The following COL5A3 variants were observed in gnomAD, a reference collection of about 807,000 sequenced individuals.
COL5A3 encodes the protein collagen type V alpha 3 chain.
A neutral mutation model predicts 250.0 loss-of-function variants in COL5A3; 172 were observed. The observed-to-expected ratio is 0.69, with a 90% confidence interval of 0.61 to 0.78. The LOEUF (loss-of-function observed/expected upper bound fraction) is 0.78. COL5A3 is among the 30% of genes least tolerant of loss of function. The pLI is 0.00. For missense variants in COL5A3, 2,340 were observed against 2,334.4 expected (o/e 1.00, Z -0.05); for synonymous variants, 937 against 900.4 (o/e 1.04, Z -0.73).
At chr19:10,003,179 C>T (rs992946097) in intron 6 of COL5A3, among the ~76,000 whole-genome samples, 4 of 152,184 alleles carry the variant, frequency 2.6e-5, no homozygotes, top group East Asian at 1.9e-4. Flanking sequence ...CAATGACACA[C>T]TAACTAATGA....
intron 31 of COL5A3, among the ~76,000 whole-genome samples, chr19:9,983,406 G>A (rs753996455): frequency 1.6e-4 from 25 of 151,968 alleles, no homozygotes; most frequent in African/African-American, 5.1e-4. Context: ...GCTGAGGCAG[G>A]AGGACTGCTT....
At position 9,976,596 on chromosome 19, in the gene COL5A3, GT is replaced by G; in HGVS notation, c.3303del (p.Gln1101HisfsTer43). 6.4e-7 allele frequency: 1 copy of G among 1,569,828 alleles called. No homozygotes were observed. The highest frequency in any genetic ancestry group is 1.2e-5 in the South Asian group (1 of 82,676). ...TGTCCTGCAGGACCCCGTATCCCTG[GT>G]TGTCCAGGTGGGCCCTGGGAGAACA... ...GDKGDAGPPG[Q>X]PGIRGPAGHP... On this transcript the variant is annotated frameshift_variant, in exon 45 of 67. Transcript: ENST00000264828. LOFTEE classifies it high-confidence loss of function.
chr19:9,961,102 C>T (rs1381564059), intron 65 of COL5A3, among the ~76,000 whole-genome samples: 1 of 152,130 alleles, frequency 6.6e-6, no homozygotes, highest in Non-Finnish European at 1.5e-5. Context: ...CAGTAGGCCT[C>T]CATGCCCACT....
intron 31 of COL5A3, among the ~76,000 whole-genome samples, chr19:9,984,818 T>TC (rs914397411): frequency 1.6e-4 from 25 of 151,628 alleles, no homozygotes; most frequent in Admixed American, 1.6e-3. Flanking sequence ...TGAGACAGAG[T>TC]CCCCCTCTGT....
At chr19:9,961,700 G>A (rs954247928) in intron 65 of COL5A3, among the ~76,000 whole-genome samples, 11 of 151,486 alleles carry the variant, frequency 7.3e-5, no homozygotes, top group Admixed American at 2.6e-4. Flanking sequence ...CTGGGACTAC[G>A]GGCGCCTGCC....
At chr19:10,000,116 A>T (rs1415955936) in intron 8 of COL5A3, among the ~76,000 whole-genome samples, 3 of 151,816 alleles carry the variant, frequency 2.0e-5, no homozygotes, top group Non-Finnish European at 2.9e-5. Flanking sequence ...ATAAAAAAAA[A>T]GCCTAAAATT....
Position 9,960,554 on chromosome 19 carries a change from GGAGCTGTCCCCAGAGAAGACAGAGAC to G in COL5A3, c.5092-23_5094del. The G allele has an allele frequency of 6.2e-7, 1 of 1,614,166 alleles. No homozygotes were observed. The highest frequency in any genetic ancestry group is 8.5e-7 in the Non-Finnish European group (1 of 1,180,040). On this transcript the variant is annotated splice_acceptor_variant and splice_polypyrimidine_tract_variant and coding_sequence_variant and intron_variant, in exon 67 of 67. Transcript: ENST00000264828. LOFTEE classifies it high-confidence loss of function. Reference sequence around the variant, plus strand: ...AAAAGGGTCTTCGTCTGTCCTTTCCGGAGCTGTCCCCAGAGAAGACAGAGACGGTGAGTTACCGGGAAGGTGGCCGA... The same window carrying G: ...AAAAGGGTCTTCGTCTGTCCTTTCCGGGTGAGTTACCGGGAAGGTGGCCGA...
Position 9,974,324 on chromosome 19 carries a change from C to A in COL5A3, c.3427G>T (p.Val1143Leu), listed in dbSNP as rs151113761. 1.4e-5 allele frequency: 22 copies of A among 1,612,048 alleles called. 1 individual carries two copies. In the South Asian group the frequency reaches 1.4e-4, roughly 11 times the overall value. ...ACCTGCAGTCCAGGAGGGCCAATCA[C>A]CCCCACAAAGCCTCTGACTCCGTCA... ...GDDGVRGFVGVIGPPGLQGLP... is the reference protein window; with the variant it reads ...GDDGVRGFVGLIGPPGLQGLP... Residue 1143 changes from valine (V) to leucine (L), a missense_variant, in exon 46 of 67, where the codon GTG becomes TTG. Physicochemically the swap from Val to Leu is conservative, Grantham distance 32. This residue lies in a region of COL5A3 where 1,179 missense variants were observed against 1,162.6 expected (regional missense o/e 1.01). Transcript: ENST00000264828.
At position 9,960,630 on chromosome 19, in the gene COL5A3, G is replaced by A. The variant is rs760050998; in HGVS notation, c.5091+21C>T. On this transcript the variant is annotated intron_variant, in intron 66 of 66. Coordinates refer to ENST00000264828, the MANE Select transcript of COL5A3 (RefSeq NM_015719.4). ...ACATCTTGCCTCCCCTCTCTAGCTG[G>A]CCACTGCCCCACCCTCTTACCCGGC... 27 of 1,613,532 alleles carry A rather than the reference G, an allele frequency of 1.7e-5. No homozygotes were observed. In the South Asian group the frequency reaches 2.9e-4, roughly 17 times the overall value.
rs2145128928 is a variant in COL5A3 at position 9,996,595 on chromosome 19, C to T, written c.1338+20G>A. 6.2e-7 allele frequency: 1 copy of T among 1,613,922 alleles called. No homozygotes were observed. The highest frequency in any genetic ancestry group is 8.5e-7 in the Non-Finnish European group (1 of 1,179,902). ...CAGGACTCCACTCCCCAAGGCTGGG[C>T]CACTCCATCTCCTTCTTACCGGCAT... On this transcript the variant is annotated intron_variant, in intron 12 of 66. Transcript: ENST00000264828.
intron 31 of COL5A3, 38 bp downstream of exon 31, chr19:9,985,804 C>G: frequency 1.3e-6 from 2 of 1,581,760 alleles, no homozygotes; most frequent in Non-Finnish European, 1.7e-6. Context: ...CTGAATCCTG[C>G]CCATATCCAT....
Position 9,989,132 on chromosome 19 carries a change from C to T in COL5A3, c.2137G>A (p.Gly713Arg). ...AGPPGYPGPRGVKGTSGNRGL... is the reference protein window; with the variant it reads ...AGPPGYPGPRRVKGTSGNRGL... ...GCAAGCGTATCACCTACCTTCACTCCCCGAGGTCCAGGATAGCCCGGAGGG... is the reference window on the plus strand; with the variant it reads ...GCAAGCGTATCACCTACCTTCACTCTCCGAGGTCCAGGATAGCCCGGAGGG... Residue 713 changes from glycine (G) to arginine (R), a missense_variant, in exon 27 of 67, where the codon GGA becomes AGA. Around this residue, in one of 3 missense-constraint regions of COL5A3, gnomAD observed 1,152 missense variants for 1,146.3 expected, o/e 1.00. Transcript: ENST00000264828. The T allele has an allele frequency of 6.2e-7, 1 of 1,614,210 alleles. No individual in the cohort carries two copies.
chr19:10,006,802 C>G (rs1599233335), intron 1 of COL5A3, among the ~76,000 whole-genome samples: 1 of 151,748 alleles, frequency 6.6e-6, no homozygotes, highest in Non-Finnish European at 1.5e-5. Flanking sequence ...TTCTGGTTAC[C>G]CCCTCTGACC....
In COL5A3 at chr19:9,977,244, G is replaced by T. The variant is rs759559517; in HGVS notation, c.3273C>A (p.Gly1091=). The part of the protein sequence containing the change: ...VGAPGHKGSK[G]DKGDAGPPGQ... The stretch of plus-strand genomic sequence containing the variant: ...CTTCACTCACCGCGTCTCCTTTATC[G>T]CCTTTACTCCCCTTGTGTCCGGGGG... The change falls in exon 44 of 67, where the codon GGC becomes GGA. Residue 1091 remains glycine, a synonymous_variant. Transcript: ENST00000264828. The T allele has an allele frequency of 1.2e-6, 2 of 1,613,580 alleles. No individual in the cohort carries two copies. Among genetic ancestry groups the T allele is most frequent in the African/African-American group, 1.3e-5 (1 of 74,738 alleles).
intron 16 of COL5A3, among the ~76,000 whole-genome samples, 193 bp downstream of exon 16, chr19:9,995,371 G>A (rs1236142390): frequency 6.6e-6 from 1 of 152,196 alleles, no homozygotes; most frequent in East Asian, 1.9e-4. Flanking sequence ...CATCACTCCT[G>A]CAGGCAAGTC....
Position 10,005,640 on chromosome 19 carries a change from A to C in COL5A3, c.512T>G (p.Val171Gly). The C allele has an allele frequency of 6.2e-7, 1 of 1,614,070 alleles. No individual in the cohort carries two copies. Among genetic ancestry groups the C allele is most frequent in the Non-Finnish European group, 8.5e-7 (1 of 1,179,986 alleles). Residue 171 changes from valine to glycine, a missense_variant, in exon 4 of 67, where the codon GTT (valine) becomes GGT (glycine). Around this residue, in one of 3 missense-constraint regions of COL5A3, gnomAD observed 1,152 missense variants for 1,146.3 expected, o/e 1.00. Coordinates refer to ENST00000264828, the MANE Select transcript of COL5A3 (RefSeq NM_015719.4). ...GATGAAGCGGGGGCCATGGCCCAAA[A>C]CAGGGGGCTGAGCTTCACAGTCAGC... is the stretch of plus-strand genomic sequence containing the variant. ...LVADCEAQPPVLGHGPRFISI... is the reference protein window; with the variant it reads ...LVADCEAQPPGLGHGPRFISI...
Position 9,989,522 on chromosome 19 carries a change from C to G in COL5A3, c.1993G>C (p.Gly665Arg), listed in dbSNP as rs1485086929. The G allele has an allele frequency of 1.2e-6, 2 of 1,611,356 alleles. No homozygotes were observed. Among genetic ancestry groups the G allele is most frequent in the South Asian group, 1.1e-5 (1 of 90,642 alleles). ...QGLIGTPGEK[G>R]PPGNPGIPGL... ...GGAATTCCTGGGTTTCCAGGGGGAC[C>G]CTGAAAGAAGATGAACAGCAGGGGA... The change falls in exon 25 of 67, where the codon GGT becomes CGT. Residue 665 changes from glycine to arginine, a missense_variant and splice_region_variant. Gly to Arg is a moderately radical substitution (Grantham distance 125). Transcript: ENST00000264828.
At chr19:9,994,633 A>T (rs1213987793) in intron 16 of COL5A3, among the ~76,000 whole-genome samples, 1 of 141,302 alleles carries the variant, frequency 7.1e-6, no homozygotes, top group Non-Finnish European at 1.5e-5. Context: ...AACAACAGGG[A>T]TACATTCTGA....
intron 61 of COL5A3, 124 bp from the exon 62 acceptor site, chr19:9,967,524 TAC>T: frequency 1.4e-6 from 1 of 705,128 alleles, no homozygotes; most frequent in South Asian, 2.0e-5. Flanking sequence ...CACACTCACA[TAC>T]ACACTCACTC....
Sources: gnomAD v4.1 joint callset for allele counts (sites outside exome capture counted in the v4.1 genomes callset) on GRCh38, gnomAD v4.1.1 for gene constraint, gnomAD v4.1.1 regional missense constraint, MANE v1.5 for transcripts, NCBI Gene and HGNC (gene_info 2026-07-23, HGNC 2026-07-21) for gene names.